ABCC4: variants seen among roughly 807,000 people sequenced by gnomAD.
ABCC4 encodes ATP binding cassette subfamily C member 4 (PEL blood group), also known as ATP-binding cassette sub-family C member 4.
In ABCC4, 102 loss-of-function variants were observed where a neutral mutation model predicts 168.5. The ratio of observed to expected loss-of-function variants is 0.61; its 90% CI spans 0.52 to 0.71. The LOEUF (loss-of-function observed/expected upper bound fraction) is 0.71, where lower values mean the gene tolerates loss of function less well. Among genes scored for constraint, ABCC4 ranks in the 30% least tolerant of loss-of-function variants. ABCC4 has a pLI of 0.00. For synonymous variants in ABCC4, 617 were observed against 590.7 expected, an observed-to-expected ratio of 1.04 and a Z score of -0.65; for missense variants, 1,402 against 1,605.8, an observed-to-expected ratio of 0.87 and a Z score of 2.17.
At chr13:95,138,764 T>A (rs1359081455) in intron 19 of ABCC4, among the ~76,000 whole-genome samples, 1 of 152,228 alleles carries the variant, frequency 6.6e-6, no homozygotes, top group East Asian at 1.9e-4. Flanking sequence ...TTATCAGGCA[T>A]CCATTTTACT....
Position 95,020,513 on chromosome 13 carries a change from A to G in ABCC4, c.*1062T>C, listed in dbSNP as rs1183985760. 1 of 152,494 alleles carries G rather than the reference A, an allele frequency of 6.6e-6. No individual in the cohort carries two copies. The highest frequency in any genetic ancestry group is 1.5e-5 in the Non-Finnish European group (1 of 68,036). The allele number at this position is 152,494 out of a possible 1,614,324, so 9.4% of individuals were successfully genotyped here. On this transcript the variant is annotated 3_prime_UTR_variant, in exon 31 of 31. Coordinates refer to ENST00000645237, the MANE Select transcript of ABCC4 (RefSeq NM_005845.5). ...AGAAAGCCCAAATGACAATGCTATT[A>G]GTGGTCAGGAGTAAACTAACCTGGA...
chr13:95,126,785 A>AAT (rs1464398056), intron 19 of ABCC4, among the ~76,000 whole-genome samples: 25 of 131,054 alleles, frequency 1.9e-4, no homozygotes, highest in Admixed American at 1.3e-3. Context: ...AAGTACACCA[A>AAT]ATATATATAT....
chr13:95,175,593 C>T (rs576602675), intron 13 of ABCC4, among the ~76,000 whole-genome samples: 1 of 152,338 alleles, frequency 6.6e-6, no homozygotes, highest in East Asian at 1.9e-4. Context: ...CAGGCATGGG[C>T]CACAGTGCCC....
intron 11 of ABCC4, among the ~76,000 whole-genome samples, chr13:95,180,528 G>A (rs1015634912): frequency 4.6e-5 from 7 of 151,778 alleles, no homozygotes; most frequent in Non-Finnish European, 1.0e-4. Flanking sequence ...CTCCAGCCTG[G>A]GCAACAAGAG....
intron 19 of ABCC4, chr13:95,149,100 G>A (rs936507228): frequency 2.6e-5 from 4 of 152,176 alleles, no homozygotes; most frequent in Admixed American, 1.3e-4. Flanking sequence ...CTGATTGTAC[G>A]ATAAAACTGC....
intron 1 of ABCC4, among the ~76,000 whole-genome samples, chr13:95,279,442 T>G (rs1566594890): frequency 6.6e-6 from 1 of 152,250 alleles, no homozygotes; most frequent in African/African-American, 2.4e-5. Flanking sequence ...TTGCAAATGT[T>G]AATCATGGTT....
intron 1 of ABCC4, among the ~76,000 whole-genome samples, chr13:95,289,528 AGAAC>A (rs1407520556): frequency 6.6e-6 from 1 of 152,126 alleles, no homozygotes; most frequent in African/African-American, 2.4e-5. Context: ...TAAAAATCGA[AGAAC>A]CCGGCATCTC....
chr13:95,132,965 A>G (rs2036022059), intron 19 of ABCC4, among the ~76,000 whole-genome samples: 1 of 152,026 alleles, frequency 6.6e-6, no homozygotes, highest in African/African-American at 2.4e-5. Flanking sequence ...TCAGTTTGGG[A>G]AGATGGATAA....
At chr13:95,126,942 T>G (rs1486127688) in intron 19 of ABCC4, among the ~76,000 whole-genome samples, 1 of 150,904 alleles carries the variant, frequency 6.6e-6, no homozygotes, top group African/African-American at 2.4e-5. Context: ...CCATTGAATT[T>G]CTTCTTTAAA....
chr13:95,212,703 G>T (rs2038995457), intron 4 of ABCC4, among the ~76,000 whole-genome samples: 1 of 151,994 alleles, frequency 6.6e-6, no homozygotes, highest in South Asian at 2.1e-4. Context: ...CAGATACTCG[G>T]GTTGTAATAG....
intron 26 of ABCC4, among the ~76,000 whole-genome samples, chr13:95,061,684 C>A (rs1594030806): frequency 7.9e-6 from 1 of 127,106 alleles, no homozygotes. Flanking sequence ...AAAAAAAAAA[C>A]CCACATTAAA....
At chr13:95,112,553 C>T (rs1036505528) in intron 20 of ABCC4, among the ~76,000 whole-genome samples, 4 of 152,164 alleles carry the variant, frequency 2.6e-5, no homozygotes, top group Admixed American at 6.5e-5. Flanking sequence ...CTATTTGTTA[C>T]TATACATCCT....
chr13:95,210,969 A>G (rs2038939370), intron 4 of ABCC4, among the ~76,000 whole-genome samples, 188 bp from the exon 5 acceptor site: 1 of 150,420 alleles, frequency 6.6e-6, no homozygotes, highest in Admixed American at 6.6e-5. Flanking sequence ...GTGTCAGGAC[A>G]GCAAAGCGAG....
At chr13:95,233,319 T>TAAAAA (rs200364087) in intron 4 of ABCC4, among the ~76,000 whole-genome samples, 3 of 146,802 alleles carry the variant, frequency 2.0e-5, no homozygotes, top group African/African-American at 7.5e-5. Flanking sequence ...AGTGCACCCA[T>TAAAAA]AAAAAAAAAA....
rs781239886 is a variant in ABCC4, at chr13:95,132,509, G to A, written c.2456-16508C>T. On this transcript the variant is annotated intron_variant, in intron 19 of 30. Coordinates refer to ENST00000645237, the MANE Select transcript of ABCC4 (RefSeq NM_005845.5). ...TGGGATTACAAGTGTAAGCCACCGC[G>A]CCTGGCCCTCCCATTTAATTTTAAA... 2.0e-4 allele frequency among the ~76,000 whole-genome samples: 31 copies of A among 152,044 alleles called. 1 individual carries two copies. The highest frequency in any genetic ancestry group is 4.2e-4 in the South Asian group (2 of 4,810).
At chr13:95,046,184 C>G (rs1003268143) in intron 27 of ABCC4, among the ~76,000 whole-genome samples, 1 of 152,130 alleles carries the variant, frequency 6.6e-6, no homozygotes, top group Non-Finnish European at 1.5e-5. Flanking sequence ...TAGATGTTAG[C>G]AAAGTTTTTA....
Position 95,148,733 on chromosome 13 carries a change from G to C in ABCC4, c.2455+12456C>G, listed in dbSNP as rs1594183266. 2.0e-5 allele frequency among the ~76,000 whole-genome samples: 3 copies of C among 151,614 alleles called. No homozygotes were observed. The East Asian group carries it at 5.8e-4, about 29-fold the overall frequency. ...TGACATCAAATGAAAGTGGACATGA[G>C]AATTAAAGGGAGAGAAAAGATGAGC... On this transcript the variant is annotated intron_variant, in intron 19 of 30. Coordinates refer to ENST00000645237, the MANE Select transcript of ABCC4 (RefSeq NM_005845.5).
chr13:95,157,576 C>T (rs1483379330), intron 19 of ABCC4, among the ~76,000 whole-genome samples: 1 of 152,092 alleles, frequency 6.6e-6, no homozygotes, highest in Non-Finnish European at 1.5e-5. Context: ...AGAGAACTGG[C>T]TCTTGTCATT....
At chr13:95,176,219 AGGGCAGGGGGGGGGG>A (rs1391619575) in intron 13 of ABCC4, among the ~76,000 whole-genome samples, 1 of 3,646 alleles carries the variant, frequency 2.7e-4, no homozygotes, top group African/African-American at 3.5e-4. Context: ...CAGGAAGCCG[AGGGCAGGGGGGGGGG>A]GGGGGGGGGG....
Sources: gnomAD v4.1 joint callset for allele counts (sites outside exome capture counted in the v4.1 genomes callset) on GRCh38, gnomAD v4.1.1 for gene constraint, MANE v1.5 for transcripts, NCBI Gene and HGNC (gene_info 2026-07-23, HGNC 2026-07-21) for gene names.